The following SUN1 variants were observed in gnomAD, a reference collection of about 807,000 sequenced individuals.
SUN1 encodes the protein SUN domain-containing protein 1.
In SUN1, 61 loss-of-function variants were observed where a neutral mutation model predicts 103.2. The ratio of observed to expected loss-of-function variants is 0.59; its 90% confidence interval spans 0.48 to 0.73. The LOEUF (loss-of-function observed/expected upper bound fraction) is 0.73. Among genes scored for constraint, SUN1 ranks in the 30% least tolerant of loss-of-function variants. The pLI is 0.00. For synonymous variants in SUN1, 490 were observed against 425.7 expected, an observed-to-expected ratio of 1.15 and a Z score of -1.86; for missense variants, 1,052 against 1,034.6, an observed-to-expected ratio of 1.02 and a Z score of -0.23.
chr7:832,649 G>A (rs1312614508), intron 1 of SUN1, 48 bp downstream of exon 1: 12 of 1,499,404 alleles, frequency 8.0e-6, no homozygotes, highest in Middle Eastern at 1.7e-4. Context: ...ATGCCCACTC[G>A]CTGTCGCGGT....
intron 2 of SUN1, 110 bp from the exon 3 acceptor site, chr7:841,836 T>C (rs1307700473): frequency 1.7e-6 from 2 of 1,169,820 alleles, no homozygotes; most frequent in African/African-American, 1.5e-5. Context: ...GAAAATGGTT[T>C]GCCTTAAAAT....
At chr7:841,336 C>T (rs1375659260) in intron 2 of SUN1, among the ~76,000 whole-genome samples, 1 of 150,656 alleles carries the variant, frequency 6.6e-6, no homozygotes, top group Non-Finnish European at 1.5e-5. Flanking sequence ...CTCTGTCTCC[C>T]AGGTTCACTC....
At chr7:869,646 T>C in intron 17 of SUN1, 130 bp downstream of exon 17, 1 of 1,133,666 alleles carries the variant, frequency 8.8e-7, no homozygotes, top group Admixed American at 2.7e-5. Context: ...AGATTCGGTG[T>C]TGAGGGGAAC....
rs779110018 is a variant in SUN1 at position 852,910 on chromosome 7, C to T, written c.1011C>T (p.Asp337=). Residue 337 remains aspartate (D), a synonymous_variant, in exon 9 of 19, where the codon GAC becomes GAT. Coordinates refer to ENST00000401592, the MANE Select transcript of SUN1 (RefSeq NM_001130965.3). ...HRTQRVDDPQ[D]VFKPTTSRLK... ...CACAGCGGGTGGATGACCCCCAGGA[C>T]GTGTTTAAACCCACGACTTCTCGCC... is the stretch of plus-strand genomic sequence containing the variant. The T allele has an allele frequency of 9.9e-6, 16 of 1,613,942 alleles. No homozygotes were observed. Among genetic ancestry groups the T allele is most frequent in the East Asian group, 6.7e-5 (3 of 44,896 alleles).
chr7:849,025 C>T (rs1819276886), intron 5 of SUN1, among the ~76,000 whole-genome samples: 1 of 151,064 alleles, frequency 6.6e-6, no homozygotes, highest in South Asian at 2.1e-4. Flanking sequence ...GATCTCGGCT[C>T]ACCGCAACCT....
At chr7:839,129 GT>G in intron 2 of SUN1, 143 bp downstream of exon 2, 1 of 777,190 alleles carries the variant, frequency 1.3e-6, no homozygotes, top group South Asian at 3.0e-5. Flanking sequence ...ACACAAACCT[GT>G]CATATAAAGT....
chr7:848,633 C>G (rs775305514), intron 5 of SUN1: 1 of 1,308,014 alleles, frequency 7.6e-7, no homozygotes, highest in Non-Finnish European at 1.0e-6. Context: ...AATATTTTTT[C>G]CCTCCTTTTT....
chr7:852,595 A>C lies in SUN1; in HGVS notation c.852-14A>C. 1.2e-6 allele frequency: 2 copies of C among 1,614,158 alleles called. No individual in the cohort carries two copies. The highest frequency in any genetic ancestry group is 1.1e-5 in the South Asian group (1 of 91,084). On this transcript the variant is annotated splice_polypyrimidine_tract_variant and intron_variant, in intron 7 of 18. Transcript: ENST00000401592. ...CATTTTTTCTAAGTCAAAGGTTTTC[A>C]TTGTTACTCCCAGGTGCCTTCGAAA...
chr7:834,556 T>G (rs1430441075), intron 1 of SUN1, among the ~76,000 whole-genome samples: 5 of 152,326 alleles, frequency 3.3e-5, no homozygotes, highest in Middle Eastern at 3.4e-3. Flanking sequence ...GTTGGGTCCT[T>G]ACACTCTTCT....
rs928781678 is a variant in SUN1, at chr7:827,368, T to C, written c.-74+10695T>C. ...TTCTGTTTTCAGCCTTGTATGAAGA[T>C]TTTTCAACCATGTTCTCTGGATTAT... is the stretch of plus-strand genomic sequence containing the variant. On this transcript the variant is annotated intron_variant, in intron 1 of 17. Transcript: ENST00000389574. Among the ~76,000 whole-genome samples, 3 of 151,926 alleles carry C rather than the reference T, an allele frequency of 2.0e-5. No homozygotes were observed. The East Asian group carries it at 5.8e-4, about 29-fold the overall frequency.
intron 5 of SUN1, chr7:849,588 A>G: frequency 2.1e-6 from 3 of 1,445,300 alleles, no homozygotes; most frequent in Non-Finnish European, 2.8e-6. Context: ...CCTCAGTGTA[A>G]ATGGGGAAGC....
intron 5 of SUN1, among the ~76,000 whole-genome samples, chr7:844,353 G>T (rs569418631): frequency 6.6e-6 from 1 of 152,230 alleles, no homozygotes; most frequent in African/African-American, 2.4e-5. Flanking sequence ...GCTGTGCCTG[G>T]AGGTGCTGGA....
chr7:824,367 G>A (rs569628063), intron 1 of SUN1, among the ~76,000 whole-genome samples: 4 of 152,144 alleles, frequency 2.6e-5, no homozygotes, highest in African/African-American at 9.7e-5. Context: ...CTTGAGGGCC[G>A]CTGGCTGCAG....
intron 7 of SUN1, 53 bp from the exon 8 acceptor site, chr7:852,556 T>G (rs1035022389): frequency 6.2e-6 from 10 of 1,608,932 alleles, no homozygotes; most frequent in African/African-American, 2.7e-5. Context: ...AACAGATTGG[T>G]GAACCCTGAC....
chr7:851,940 T>G lies in SUN1; in HGVS notation c.758-10T>G, dbSNP rs1822608196. 1 of 1,613,208 alleles carries G rather than the reference T, an allele frequency of 6.2e-7. No individual in the cohort carries two copies. The highest frequency in any genetic ancestry group is 8.5e-7 in the Non-Finnish European group (1 of 1,179,652). ...CATTTCCTTAGAATGTTTGGTGTTT[T>G]CTCTTGTAGGGAAGGCAGCCTCTGG... On this transcript the variant is annotated splice_polypyrimidine_tract_variant and intron_variant, in intron 6 of 18. Coordinates refer to ENST00000401592, the MANE Select transcript of SUN1 (RefSeq NM_001130965.3).
At chr7:870,496 A>T (rs1007890399) in intron 17 of SUN1, among the ~76,000 whole-genome samples, 16 of 152,106 alleles carry the variant, frequency 1.1e-4, no homozygotes, top group African/African-American at 3.9e-4. Context: ...TGAGGCATGA[A>T]GATCACTTGA....
rs1294236509 is a variant in SUN1, at chr7:822,890, G to GCA, written c.-74+6225_-74+6226dup. ...GCCCTGTGGCCACCCGCGAATTCCCGCACACACACGGCCCTGTGGCCACCC... is the reference window on the plus strand; with the variant it reads ...GCCCTGTGGCCACCCGCGAATTCCCGCACACACACACGGCCCTGTGGCCACCC... On this transcript the variant is annotated intron_variant, in intron 1 of 17. Transcript: ENST00000389574. 5.9e-5 allele frequency among the ~76,000 whole-genome samples: 9 copies of GCA among 151,698 alleles called. No homozygotes were observed. The South Asian group carries it at 1.9e-3, about 32-fold the overall frequency.
intron 5 of SUN1, chr7:849,513 G>A: frequency 1.5e-6 from 2 of 1,368,328 alleles, no homozygotes; most frequent in African/African-American, 1.5e-5. Flanking sequence ...TTTTGCGTGT[G>A]TTGCAGCTCA....
rs527983745 is a variant in SUN1, at chr7:841,037, G to A, written c.267-909G>A. Among the ~76,000 whole-genome samples the A allele has an allele frequency of 3.4e-5, 5 of 146,572 alleles. No individual in the cohort carries two copies. In the South Asian group the frequency reaches 6.6e-4, roughly 19 times the overall value. On this transcript the variant is annotated intron_variant, in intron 2 of 18. Coordinates refer to ENST00000401592, the MANE Select transcript of SUN1 (RefSeq NM_001130965.3). ...CAACCTCTGCCTTCCAGGTTCAAGC[G>A]ATTCTCCAGCCTCAGCCTCCCGAGT... is the stretch of plus-strand genomic sequence containing the variant.
Sources: allele counts gnomAD v4.1 joint callset (sites outside exome capture counted in the v4.1 genomes callset), GRCh38; gene constraint gnomAD v4.1.1; transcripts MANE v1.5; gene names NCBI Gene and HGNC (gene_info 2026-07-23, HGNC 2026-07-21).